The following ANO10 variants were observed in gnomAD, a reference collection of about 807,000 sequenced individuals.
The protein encoded by ANO10 is anoctamin 10.
Under a neutral mutation model 74.7 loss-of-function variants are expected in ANO10, and 77 were observed. The ratio of observed to expected loss-of-function variants is 1.03; its 90% CI spans 0.86 to 1.25. The LOEUF is 1.25. Ranked by LOEUF, ANO10 falls within the 50% of genes most tolerant of loss-of-function variation. ANO10 has a pLI of 0.00. For missense variants in ANO10, 721 were observed against 778.1 expected, an observed-to-expected ratio of 0.93 and a Z score of 0.87; for synonymous variants, 279 against 284.9, an observed-to-expected ratio of 0.98 and a Z score of 0.21.
chr3:43,577,790 C>CA (rs2081084477), intron 5 of ANO10, among the ~76,000 whole-genome samples: 1 of 152,148 alleles, frequency 6.6e-6, no homozygotes, highest in South Asian at 2.1e-4. Context: ...AAAAATTATT[C>CA]AAAAGCACAA....
At chr3:43,452,102 A>G (rs1559557928) in intron 11 of ANO10, among the ~76,000 whole-genome samples, 1 of 152,244 alleles carries the variant, frequency 6.6e-6, no homozygotes, top group Non-Finnish European at 1.5e-5. Context: ...CTTCTTGGAT[A>G]CCAATGTAGA....
intron 11 of ANO10, among the ~76,000 whole-genome samples, chr3:43,499,743 C>T (rs1369575841): frequency 6.6e-6 from 1 of 151,562 alleles, no homozygotes; most frequent in African/African-American, 2.4e-5. Flanking sequence ...CTTTTTAAAA[C>T]TTCTTTAGAT....
At chr3:43,417,672 G>A (rs1191018118) in intron 12 of ANO10, among the ~76,000 whole-genome samples, 2 of 152,066 alleles carry the variant, frequency 1.3e-5, no homozygotes, top group African/African-American at 4.8e-5. Flanking sequence ...CTTCAATAGT[G>A]CTTTTATTTA....
intron 1 of ANO10, among the ~76,000 whole-genome samples, chr3:43,649,756 G>A (rs2083767401): frequency 6.6e-6 from 1 of 152,206 alleles, no homozygotes; most frequent in East Asian, 1.9e-4. Flanking sequence ...CAGCTATTGT[G>A]CTAATTAGTG....
chr3:43,680,476 G>A (rs1236340079), intron 1 of ANO10, among the ~76,000 whole-genome samples: 4 of 152,278 alleles, frequency 2.6e-5, no homozygotes, highest in African/African-American at 7.2e-5. Flanking sequence ...TGAAAGTGAC[G>A]GGAAGAATGG....
intron 1 of ANO10, among the ~76,000 whole-genome samples, chr3:43,686,513 T>G (rs1321804898): frequency 1.3e-5 from 2 of 152,132 alleles, no homozygotes; most frequent in East Asian, 3.9e-4. Context: ...CCTGAACTCC[T>G]GGGCTCAAGC....
intron 7 of ANO10, 68 bp from the exon 8 acceptor site, chr3:43,565,795 A>G: frequency 6.7e-7 from 1 of 1,490,842 alleles, no homozygotes. Flanking sequence ...TACAACTGTA[A>G]TGCAGCATTT....
intron 11 of ANO10, among the ~76,000 whole-genome samples, chr3:43,513,041 G>A (rs2077569728): frequency 6.6e-6 from 1 of 152,208 alleles, no homozygotes; most frequent in African/African-American, 2.4e-5. Context: ...AGACAGAGCT[G>A]CAGAGCAACA....
chr3:43,427,146 A>T (rs550217238), intron 12 of ANO10, among the ~76,000 whole-genome samples: 93 of 152,268 alleles, frequency 6.1e-4, no homozygotes, highest in East Asian at 3.5e-3. Context: ...ATGAAAAAAA[A>T]ATATATAAAA....
intron 12 of ANO10, among the ~76,000 whole-genome samples, chr3:43,403,448 G>A (rs968520390): frequency 1.3e-5 from 2 of 152,352 alleles, no homozygotes; most frequent in East Asian, 3.9e-4. Flanking sequence ...CTGGGGGGCT[G>A]GGCTGGGCCC....
chr3:43,681,962 C>G (rs575086013), intron 1 of ANO10, among the ~76,000 whole-genome samples: 6 of 152,082 alleles, frequency 3.9e-5, no homozygotes, highest in African/African-American at 1.4e-4. Flanking sequence ...CACTAAATGC[C>G]CACAAGAGAA....
intron 12 of ANO10, among the ~76,000 whole-genome samples, chr3:43,423,964 T>A (rs2092859460): frequency 6.6e-6 from 1 of 152,234 alleles, no homozygotes; most frequent in Non-Finnish European, 1.5e-5. Flanking sequence ...GCAAATCTGA[T>A]GTTACGGTAC....
At chr3:43,591,674 G>A (rs140113250) in intron 4 of ANO10, among the ~76,000 whole-genome samples, 8 of 152,186 alleles carry the variant, frequency 5.3e-5, no homozygotes, top group South Asian at 2.1e-4. Context: ...CAGCATGAGC[G>A]GCACAGAAGA....
At chr3:43,647,445 T>A (rs2083739617) in intron 1 of ANO10, among the ~76,000 whole-genome samples, 1 of 151,820 alleles carries the variant, frequency 6.6e-6, no homozygotes, top group African/African-American at 2.4e-5. Context: ...GAATTCACCC[T>A]CCTCCCACAG....
chr3:43,507,831 A>G (rs938569371), intron 11 of ANO10, among the ~76,000 whole-genome samples: 4 of 152,178 alleles, frequency 2.6e-5, no homozygotes, highest in African/African-American at 9.6e-5. Context: ...TTTTGAAGAA[A>G]AAGGGGGAGA....
intron 11 of ANO10, among the ~76,000 whole-genome samples, chr3:43,500,940 T>C (rs1454838561): frequency 6.6e-6 from 1 of 151,964 alleles, no homozygotes; most frequent in Non-Finnish European, 1.5e-5. Flanking sequence ...ATAACACAGG[T>C]ATGTAAGAGG....
intron 1 of ANO10, among the ~76,000 whole-genome samples, chr3:43,607,128 C>A (rs2082600035): frequency 6.6e-6 from 1 of 151,860 alleles, no homozygotes; most frequent in Non-Finnish European, 1.5e-5. Flanking sequence ...GTGAAAAAAT[C>A]CAAAATGTGA....
At chr3:43,481,927 C>CTTTTTTTTTTTT (rs1161910647) in intron 11 of ANO10, among the ~76,000 whole-genome samples, 7 of 123,876 alleles carry the variant, frequency 5.7e-5, no homozygotes, top group African/African-American at 1.2e-4. Flanking sequence ...CTTTTTTTTT[C>CTTTTTTTTTTTT]TTTTTTTTTT....
At chr3:43,632,630 T>A (rs938334193) in intron 1 of ANO10, among the ~76,000 whole-genome samples, 1 of 152,270 alleles carries the variant, frequency 6.6e-6, no homozygotes, top group Admixed American at 6.5e-5. Context: ...GTATGCCATC[T>A]GTTTCCTGCC....
Sources: gnomAD v4.1 joint callset for allele counts (sites outside exome capture counted in the v4.1 genomes callset) on GRCh38, gnomAD v4.1.1 for gene constraint, MANE v1.5 for transcripts, NCBI Gene and HGNC (gene_info 2026-07-23, HGNC 2026-07-21) for gene names.